SEM1: variants seen among roughly 807,000 people sequenced by gnomAD.
The protein encoded by SEM1 is 26S proteasome complex subunit SEM1.
In SEM1, 3 loss-of-function variants were observed where a neutral mutation model predicts 12.7. That is an observed-to-expected ratio of 0.24 (90% CI 0.11 to 0.61). The LOEUF is 0.61. Ranked by LOEUF, SEM1 falls within the 20% of genes least tolerant of loss-of-function variation. The pLI is 0.88. For synonymous variants in SEM1, 30 were observed against 27.8 expected, an observed-to-expected ratio of 1.08 and a Z score of -0.25; for missense variants, 59 against 81.3, an observed-to-expected ratio of 0.73 and a Z score of 1.06.
chr7:96,562,268 T>C (rs1000793977), intron 2 of SEM1, among the ~76,000 whole-genome samples: 31 of 152,166 alleles, frequency 2.0e-4, no homozygotes, highest in Admixed American at 2.0e-3. Context: ...CTAACCTTTG[T>C]TGGAATTTGT....
At chr7:96,518,925 G>A (rs528802957) in intron 2 of SEM1, among the ~76,000 whole-genome samples, 1 of 152,254 alleles carries the variant, frequency 6.6e-6, no homozygotes, top group African/African-American at 2.4e-5. Context: ...CCTTGTGCTT[G>A]CAAACATTGA....
chr7:96,532,802 C>T (rs1804679720), intron 2 of SEM1, among the ~76,000 whole-genome samples: 1 of 151,976 alleles, frequency 6.6e-6, no homozygotes. Context: ...GCCTGAAAAC[C>T]CGACTTTTTA....
rs541164522 is a variant in SEM1, at chr7:96,585,280, C to G, written c.171-78582G>C. Among the ~76,000 whole-genome samples, 6 of 152,316 alleles carry G rather than the reference C, an allele frequency of 3.9e-5. No individual in the cohort carries two copies. In the East Asian group the frequency reaches 1.2e-3, roughly 29 times the overall value. On this transcript the variant is annotated intron_variant and NMD_transcript_variant, in intron 2 of 3. Coordinates refer to the SEM1 transcript ENST00000466986. ...GGGGGTGCCTCCCAGTTAGGCTGCT[C>G]AGGGGTCAGGGGTCAGGGACCCATT...
chr7:96,547,763 C>T (rs1805146867), intron 2 of SEM1, among the ~76,000 whole-genome samples: 1 of 152,022 alleles, frequency 6.6e-6, no homozygotes, highest in African/African-American at 2.4e-5. Flanking sequence ...TAAAGTGGTA[C>T]CTAGATGAGC....
chr7:96,490,832 G>A (rs1334744520), intron 1 of SEM1, among the ~76,000 whole-genome samples: 2 of 151,884 alleles, frequency 1.3e-5, no homozygotes, highest in African/African-American at 2.4e-5. Context: ...CTTTATTTTG[G>A]ATCCGTTATG....
intron 2 of SEM1, chr7:96,623,095 C>T (rs921637629): frequency 1.3e-5 from 2 of 153,618 alleles, no homozygotes; most frequent in African/African-American, 4.8e-5. Context: ...ATCATCAATC[C>T]ACTGAGGGCC....
intron 2 of SEM1, chr7:96,645,249 G>C (rs1317511863): frequency 6.6e-6 from 1 of 152,498 alleles, no homozygotes; most frequent in South Asian, 2.1e-4. Context: ...AGGTGGCAGA[G>C]ATTGAGAATG....
At chr7:96,560,689 T>G (rs1034025675) in intron 2 of SEM1, among the ~76,000 whole-genome samples, 10 of 151,922 alleles carry the variant, frequency 6.6e-5, no homozygotes, top group Non-Finnish European at 1.5e-4. Context: ...TTTCTAATAT[T>G]TTCTGTCTCA....
intron 2 of SEM1, among the ~76,000 whole-genome samples, chr7:96,593,961 T>C (rs978409621): frequency 1.3e-5 from 2 of 150,368 alleles, no homozygotes; most frequent in African/African-American, 2.4e-5. Flanking sequence ...CATATTGTTT[T>C]GTATCTATTT....
At chr7:96,483,564 G>T in exon 4 of SEM1, 1 of 401,966 alleles carries the variant, frequency 2.5e-6, no homozygotes. Context: ...ACTCTACTGG[G>T]CTCTATTTTC....
At chr7:96,606,842 G>A (rs1390427617) in intron 2 of SEM1, among the ~76,000 whole-genome samples, 1 of 152,018 alleles carries the variant, frequency 6.6e-6, no homozygotes, top group African/African-American at 2.4e-5. Flanking sequence ...TCTGCATGGA[G>A]CTTATTTGCT....
At chr7:96,553,036 G>A (rs1366135572) in intron 2 of SEM1, among the ~76,000 whole-genome samples, 5 of 151,880 alleles carry the variant, frequency 3.3e-5, no homozygotes, top group Admixed American at 2.6e-4. Context: ...ACTTTTTGAT[G>A]GGGTTGTTTG....
chr7:96,499,289 G>T (rs1803420000), upstream of SEM1, among the ~76,000 whole-genome samples: 1 of 152,064 alleles, frequency 6.6e-6, no homozygotes, highest in African/African-American at 2.4e-5. Flanking sequence ...TTCATTCTCT[G>T]CAAGTAGGAT....
At chr7:96,579,530 A>C (rs1185650833) in intron 2 of SEM1, among the ~76,000 whole-genome samples, 1 of 152,222 alleles carries the variant, frequency 6.6e-6, no homozygotes, top group Non-Finnish European at 1.5e-5. Flanking sequence ...ACAAAGAGGA[A>C]AGGAGAAGCA....
At chr7:96,556,155 CTGTG>C (rs1262965535) in intron 2 of SEM1, among the ~76,000 whole-genome samples, 2 of 152,070 alleles carry the variant, frequency 1.3e-5, no homozygotes, top group Non-Finnish European at 2.9e-5. Context: ...GTTTGCCAGT[CTGTG>C]TCTTTTAATT....
intron 3 of SEM1, among the ~76,000 whole-genome samples, chr7:96,506,120 A>G (rs1050681328): frequency 1.3e-5 from 2 of 152,092 alleles, no homozygotes; most frequent in African/African-American, 4.8e-5. Flanking sequence ...TTGGTTCCTG[A>G]GTCCTTTTGA....
chr7:96,502,366 A>T (rs1420294421), intron 3 of SEM1, among the ~76,000 whole-genome samples: 1 of 152,044 alleles, frequency 6.6e-6, no homozygotes, highest in Non-Finnish European at 1.5e-5. Flanking sequence ...GCCTTTGTTC[A>T]TTTGCTGTGG....
intron 2 of SEM1, among the ~76,000 whole-genome samples, chr7:96,639,275 T>C (rs1808519625): frequency 6.6e-6 from 1 of 151,802 alleles, no homozygotes; most frequent in South Asian, 2.1e-4. Flanking sequence ...TTTCGAACAA[T>C]GAAAAAGAAC....
At chr7:96,559,624 T>C (rs1263119418) in intron 2 of SEM1, among the ~76,000 whole-genome samples, 1 of 152,248 alleles carries the variant, frequency 6.6e-6, no homozygotes, top group Admixed American at 6.5e-5. Flanking sequence ...TGGCGTATTG[T>C]GGACAATCTT....
Sources: allele counts gnomAD v4.1 joint callset (sites outside exome capture counted in the v4.1 genomes callset), GRCh38; gene constraint gnomAD v4.1.1; transcripts MANE v1.5; gene names NCBI Gene and HGNC (gene_info 2026-07-23, HGNC 2026-07-21).